Variants in JAKMIP2 observed in about 807,000 individuals in gnomAD.
JAKMIP2 encodes janus kinase and microtubule interacting protein 2.
Under a neutral mutation model 115.0 loss-of-function variants are expected in JAKMIP2, and 25 were observed. That is an observed-to-expected ratio of 0.22 (90% CI 0.16 to 0.30). The LOEUF (loss-of-function observed/expected upper bound fraction) is 0.30. JAKMIP2 is among the 10% of genes least tolerant of loss of function. The pLI is 1.00. For synonymous variants in JAKMIP2, 334 were observed against 343.6 expected (o/e 0.97, Z 0.31); for missense variants, 642 against 957.6 (o/e 0.67, Z 4.35).
chr5:147,695,650 C>CTGTGTGTGTG (rs572202242), intron 1 of JAKMIP2, among the ~76,000 whole-genome samples: 2,609 of 142,910 alleles, frequency 0.018, 70 homozygotes, highest in African/African-American at 0.055. Context: ...AGTGAAAGGT[C>CTGTGTGTGTG]TGTGTGTGTG....
chr5:147,764,774 T>A (rs1755051882), intron 1 of JAKMIP2, among the ~76,000 whole-genome samples: 1 of 150,950 alleles, frequency 6.6e-6, no homozygotes, highest in Non-Finnish European at 1.5e-5. Flanking sequence ...TAGTCTCAGC[T>A]ATTCAGGAGG....
chr5:147,639,142 CCTCT>C (rs1757762736), intron 10 of JAKMIP2, among the ~76,000 whole-genome samples: 1 of 152,080 alleles, frequency 6.6e-6, no homozygotes, highest in South Asian at 2.1e-4. Flanking sequence ...ATTCAATTAA[CCTCT>C]CTGAGTGTCA....
At position 147,600,098 on chromosome 5, in the gene JAKMIP2, T is replaced by G. The variant is rs1027263264; in HGVS notation, c.*20+1643A>C. On this transcript the variant is annotated intron_variant, in intron 21 of 21. Coordinates refer to ENST00000616793, the MANE Select transcript of JAKMIP2 (RefSeq NM_001270941.2). ...AAAATTTATTTACTGTTTTTTTTTT[T>G]TTTTTTTTTTTTTGGTGGGGGGAGG... Among the ~76,000 whole-genome samples the G allele has an allele frequency of 6.0e-3, 889 of 148,100 alleles. 46 individuals are homozygous for G. The East Asian group carries it at 0.12, about 21-fold the overall frequency.
intron 3 of JAKMIP2, among the ~76,000 whole-genome samples, chr5:147,659,123 C>T (rs1758831765): frequency 6.6e-6 from 1 of 151,412 alleles, no homozygotes; most frequent in Non-Finnish European, 1.5e-5. Flanking sequence ...CAGCTCAGTG[C>T]CTGCTCAAAC....
At chr5:147,631,343 G>A (rs76617867) in intron 14 of JAKMIP2, 70 bp downstream of exon 14, 1 of 901,150 alleles carries the variant, frequency 1.1e-6, no homozygotes, top group Non-Finnish European at 1.7e-6. Context: ...ATAGTCGTAA[G>A]TAACCTCCCC....
chr5:147,766,128 T>C (rs1755147499), intron 1 of JAKMIP2, among the ~76,000 whole-genome samples: 1 of 152,122 alleles, frequency 6.6e-6, no homozygotes, highest in Non-Finnish European at 1.5e-5. Context: ...TCCCCCCATC[T>C]TTTCTCCTTC....
chr5:147,675,400 T>G (rs1759884311), intron 1 of JAKMIP2, among the ~76,000 whole-genome samples: 1 of 152,136 alleles, frequency 6.6e-6, no homozygotes. Flanking sequence ...CTTCTCCAGT[T>G]GTAATGGGTG....
chr5:147,650,269 A>G, intron 4 of JAKMIP2, 69 bp downstream of exon 4: 1 of 975,774 alleles, frequency 1.0e-6, no homozygotes, highest in South Asian at 1.3e-5. Flanking sequence ...AGCTTAAGTA[A>G]AAGGTAAAAC....
At chr5:147,661,624 G>A in intron 2 of JAKMIP2, 179 bp from the exon 3 acceptor site, 1 of 603,520 alleles carries the variant, frequency 1.7e-6, no homozygotes, top group Non-Finnish European at 2.9e-6. Context: ...GTGTGTAAGA[G>A]GAGGAAATAC....
At chr5:147,648,277 A>G (rs1758228519) in intron 5 of JAKMIP2, 99 bp downstream of exon 5, 1 of 663,210 alleles carries the variant, frequency 1.5e-6, no homozygotes, top group Non-Finnish European at 2.7e-6. Flanking sequence ...TATTATTTGT[A>G]CACTTTTCTC....
chr5:147,744,598 AT>A (rs1375617306), intron 1 of JAKMIP2, among the ~76,000 whole-genome samples: 1 of 152,250 alleles, frequency 6.6e-6, no homozygotes, highest in South Asian at 2.1e-4. Context: ...TACAAAAATA[AT>A]TACAGCATTT....
chr5:147,672,046 G>A (rs1368270150), intron 1 of JAKMIP2, 92 bp from the exon 2 acceptor site: 1 of 906,844 alleles, frequency 1.1e-6, no homozygotes, highest in East Asian at 4.7e-5. Context: ...ACCTGTAAGA[G>A]CCTCCTCCTG....
At position 147,628,603 on chromosome 5, in the gene JAKMIP2, T is replaced by C. The variant is rs556211953; in HGVS notation, c.1995+148A>G. The C allele has an allele frequency of 5.9e-5, 30 of 506,746 alleles. No individual in the cohort carries two copies. In the South Asian group the frequency reaches 6.9e-4, roughly 12 times the overall value. The allele number at this position is 506,746 out of a possible 1,614,324, so 31.4% of individuals were successfully genotyped here. ...TTTTCGTTTGGGTGTTCTCATTCTA[T>C]CTGGGTTGTACTACCCTTAAAAATA... On this transcript the variant is annotated intron_variant, in intron 16 of 21. Transcript: ENST00000616793.
In JAKMIP2 at chr5:147,623,769, G is replaced by A. The variant is rs779618690; in HGVS notation, c.1996-80C>T. The A allele has an allele frequency of 4.3e-5, 35 of 813,094 alleles. No individual in the cohort carries two copies. The East Asian group carries it at 4.4e-4, about 10-fold the overall frequency. 50.4% of individuals were successfully genotyped at this position (813,094 alleles called of 1,614,324 possible). On this transcript the variant is annotated intron_variant, in intron 16 of 21. Coordinates refer to ENST00000616793, the MANE Select transcript of JAKMIP2 (RefSeq NM_001270941.2). ...TCTGTGTGCCCCCATGAGGTGCTCC[G>A]TCTCCTCCCCTTATATCTCAGGAAG...
At chr5:147,647,842 G>A (rs1048228962) in intron 5 of JAKMIP2, among the ~76,000 whole-genome samples, 72 of 152,144 alleles carry the variant, frequency 4.7e-4, no homozygotes, top group African/African-American at 1.7e-3. Context: ...TTTCAGAAAC[G>A]ACATGTAGAA....
chr5:147,669,647 G>A (rs1218899097), intron 2 of JAKMIP2, among the ~76,000 whole-genome samples: 4 of 152,306 alleles, frequency 2.6e-5, no homozygotes, highest in East Asian at 1.9e-4. Flanking sequence ...TTGTCATCCT[G>A]TCATAACTGC....
chr5:147,666,798 T>G (rs1370095494), intron 2 of JAKMIP2, among the ~76,000 whole-genome samples: 1 of 152,116 alleles, frequency 6.6e-6, no homozygotes, highest in Non-Finnish European at 1.5e-5. Flanking sequence ...TCGATATCAT[T>G]CTCTTACGGC....
chr5:147,706,158 G>A (rs2082401), intron 1 of JAKMIP2, among the ~76,000 whole-genome samples: 12,205 of 152,040 alleles, frequency 0.08, 865 homozygotes, highest in East Asian at 0.34. Context: ...TGCAGATATC[G>A]GAAAATAAAA....
chr5:147,658,882 C>T (rs1758819316), intron 3 of JAKMIP2, among the ~76,000 whole-genome samples: 1 of 152,120 alleles, frequency 6.6e-6, no homozygotes, highest in South Asian at 2.1e-4. Flanking sequence ...CCTCCCCCCA[C>T]CAAACTCAAT....
Sources: allele counts gnomAD v4.1 joint callset (sites outside exome capture counted in the v4.1 genomes callset), GRCh38; gene constraint gnomAD v4.1.1; transcripts MANE v1.5; gene names NCBI Gene and HGNC (gene_info 2026-07-23, HGNC 2026-07-21).